The following UPK1B variants were observed in gnomAD, a reference collection of about 807,000 sequenced individuals.
UPK1B encodes uroplakin-1b.
In UPK1B, 28 loss-of-function variants were observed where a neutral mutation model predicts 34.2. The observed-to-expected ratio is 0.82, with a 90% CI of 0.61 to 1.12. The LOEUF is 1.12. Ranked by LOEUF, UPK1B falls within the 50% of genes most tolerant of loss-of-function variation. The probability of loss-of-function intolerance (pLI) is 0.00; values close to 1 mark genes in which losing one functional copy is unlikely to be tolerated. For missense variants in UPK1B, 325 were observed against 320.9 expected (o/e 1.01, Z -0.10); for synonymous variants, 81 against 110.4 (o/e 0.73, Z 1.67).
chr3:119,179,191 T>G (rs1270949571), intron 1 of UPK1B, among the ~76,000 whole-genome samples: 1 of 150,768 alleles, frequency 6.6e-6, no homozygotes, highest in Non-Finnish European at 1.5e-5. Context: ...AGCCAGACAT[T>G]GTGCATGCAC....
intron 5 of UPK1B, among the ~76,000 whole-genome samples, chr3:119,193,030 T>A (rs1488044838): frequency 6.6e-6 from 1 of 152,010 alleles, no homozygotes; most frequent in Non-Finnish European, 1.5e-5. Context: ...CCTGCCATAA[T>A]TACCAATTAC....
chr3:119,179,350 G>GAGATAT (rs2077974575), intron 1 of UPK1B, among the ~76,000 whole-genome samples: 4 of 59,796 alleles, frequency 6.7e-5, no homozygotes, highest in African/African-American at 1.6e-4. Flanking sequence ...GAGAGAGAGG[G>GAGATAT]AGATATATAT....
Position 119,179,387 on chromosome 3 carries a change from ATATATATATAT to A in UPK1B, c.-29+5752_-29+5762del, listed in dbSNP as rs1441387192. Among the ~76,000 whole-genome samples the A allele has an allele frequency of 4.1e-4, 36 of 86,820 alleles. 1 individual carries two copies. Among genetic ancestry groups the A allele is most frequent in the Non-Finnish European group, 1.5e-4 (7 of 45,934 alleles). 57.0% of individuals were successfully genotyped at this position (86,820 alleles called of 152,430 possible). Reference sequence around the variant, plus strand: ...TATATATATATATATATATATATATATATATATATATTAATTCTAAGGAATTAACCTATGTG... The same window carrying A: ...TATATATATATATATATATATATATATAATTCTAAGGAATTAACCTATGTG... On this transcript the variant is annotated intron_variant, in intron 1 of 7. Transcript: ENST00000264234.
At chr3:119,185,188 T>C (rs1051197596) in intron 1 of UPK1B, among the ~76,000 whole-genome samples, 1 of 152,224 alleles carries the variant, frequency 6.6e-6, no homozygotes, top group African/African-American at 2.4e-5. Flanking sequence ...AATTCTGAGC[T>C]AAAAGTGCTC....
chr3:119,196,538 T>TC (rs1325813536), intron 6 of UPK1B, among the ~76,000 whole-genome samples: 177 of 136,938 alleles, frequency 1.3e-3, no homozygotes, highest in African/African-American at 5.2e-3. Flanking sequence ...TCTTTTTCTT[T>TC]TTTTTTTTTT....
intron 7 of UPK1B, among the ~76,000 whole-genome samples, chr3:119,201,572 G>A (rs1048590803): frequency 3.9e-5 from 6 of 152,188 alleles, no homozygotes; most frequent in Admixed American, 2.6e-4. Flanking sequence ...CCCATGACAT[G>A]TGGGGATTAT....
intron 7 of UPK1B, among the ~76,000 whole-genome samples, chr3:119,201,937 G>A (rs530017793): frequency 6.6e-6 from 1 of 152,318 alleles, no homozygotes; most frequent in South Asian, 2.1e-4. Flanking sequence ...CATATTAGCA[G>A]GAACTGTGGG....
At chr3:119,192,229 CT>C (rs564984582) in intron 5 of UPK1B, among the ~76,000 whole-genome samples, 17 of 152,252 alleles carry the variant, frequency 1.1e-4, no homozygotes, top group African/African-American at 4.1e-4. Context: ...TAATTGACCA[CT>C]TTTTAACTTT....
At chr3:119,202,205 G>A (rs960688749) in intron 7 of UPK1B, among the ~76,000 whole-genome samples, 3 of 152,322 alleles carry the variant, frequency 2.0e-5, no homozygotes, top group African/African-American at 7.2e-5. Context: ...AAGGAGCAGA[G>A]AAATTCAGTG....
In UPK1B at chr3:119,203,990, C is replaced by T. The variant is rs997172025; in HGVS notation, c.*23C>T. ...TAAGCATAAAGTGTTGCCACCATACCTCCTTCCCCGAGTGACTCTGGATTT... is the reference window on the plus strand; with the variant it reads ...TAAGCATAAAGTGTTGCCACCATACTTCCTTCCCCGAGTGACTCTGGATTT... On this transcript the variant is annotated 3_prime_UTR_variant, in exon 8 of 8. Coordinates refer to ENST00000264234, the MANE Select transcript of UPK1B (RefSeq NM_006952.4). 2.5e-6 allele frequency: 4 copies of T among 1,612,828 alleles called. No individual in the cohort carries two copies. The African/African-American group carries it at 4.0e-5, about 16-fold the overall frequency.
At chr3:119,182,665 T>C (rs1488191688) in intron 1 of UPK1B, among the ~76,000 whole-genome samples, 1 of 152,254 alleles carries the variant, frequency 6.6e-6, no homozygotes, top group East Asian at 1.9e-4. Context: ...ACCATTATAC[T>C]ACAGATATTA....
At position 119,183,262 on chromosome 3, in the gene UPK1B, T is replaced by C. The variant is rs374923734; in HGVS notation, c.-28-3452T>C. Among the ~76,000 whole-genome samples the C allele has an allele frequency of 7.1e-3, 806 of 113,656 alleles. 10 individuals are homozygous for C. The highest frequency in any genetic ancestry group is 0.023 in the African/African-American group (741 of 32,216). 74.6% of individuals were successfully genotyped at this position (113,656 alleles called of 152,430 possible). On this transcript the variant is annotated intron_variant, in intron 1 of 7. Coordinates refer to ENST00000264234, the MANE Select transcript of UPK1B (RefSeq NM_006952.4). ...GCAAATTAATCTCTCCAAGCTTCCC[T>C]TTTTTTTTGTTTTTTTTTTTTTTGG...
intron 2 of UPK1B, 100 bp from the exon 3 acceptor site, chr3:119,187,675 C>T (rs2078025186): frequency 8.0e-7 from 1 of 1,257,628 alleles, no homozygotes; most frequent in Admixed American, 1.7e-5. Context: ...TGCATAAAGC[C>T]TGTGCAGGAA....
At chr3:119,189,954 A>C (rs1383206788) in intron 3 of UPK1B, among the ~76,000 whole-genome samples, 1 of 152,236 alleles carries the variant, frequency 6.6e-6, no homozygotes, top group Non-Finnish European at 1.5e-5. Context: ...GCACACATAC[A>C]CACCAGTTCA....
At chr3:119,191,658 A>G (rs1289311747) in intron 5 of UPK1B, among the ~76,000 whole-genome samples, 1 of 152,052 alleles carries the variant, frequency 6.6e-6, no homozygotes, top group East Asian at 1.9e-4. Flanking sequence ...AAACTCCCTT[A>G]TAGCCACCAC....
intron 1 of UPK1B, among the ~76,000 whole-genome samples, chr3:119,183,326 A>G (rs1341275770): frequency 6.6e-6 from 1 of 150,394 alleles, no homozygotes; most frequent in Non-Finnish European, 1.5e-5. Context: ...CAGTGGCCCA[A>G]TCATGGCTCA....
At chr3:119,186,634 G>A in intron 1 of UPK1B, 80 bp from the exon 2 acceptor site, 1 of 1,060,946 alleles carries the variant, frequency 9.4e-7, no homozygotes, top group Non-Finnish European at 1.4e-6. Flanking sequence ...GATGCTTTGG[G>A]AACAAGGAGG....
chr3:119,193,659 A>C (rs1241532431), intron 5 of UPK1B, among the ~76,000 whole-genome samples: 1 of 152,212 alleles, frequency 6.6e-6, no homozygotes. Context: ...AAGCAAAACA[A>C]GAACAATTAC....
intron 7 of UPK1B, 131 bp from the exon 8 acceptor site, chr3:119,203,782 GAAGA>G (rs985862290): frequency 9.7e-5 from 88 of 902,578 alleles, no homozygotes; most frequent in Non-Finnish European, 1.4e-4. Context: ...TGGTTTTTTA[GAAGA>G]AATAAAAACA....
Sources: allele counts gnomAD v4.1 joint callset (sites outside exome capture counted in the v4.1 genomes callset), GRCh38; gene constraint gnomAD v4.1.1; transcripts MANE v1.5; gene names NCBI Gene and HGNC (gene_info 2026-07-23, HGNC 2026-07-21).